Variants in CATSPERE observed in about 807,000 individuals in gnomAD.
CATSPERE encodes catsper channel auxiliary subunit epsilon, also known as cation channel sperm-associated auxiliary subunit epsilon.
In CATSPERE, 93 loss-of-function variants were observed where a neutral mutation model predicts 114.1. That is an observed-to-expected ratio of 0.81 (90% CI 0.69 to 0.97). The LOEUF (loss-of-function observed/expected upper bound fraction) is 0.97, where lower values mean the gene tolerates loss of function less well. Among genes scored for constraint, CATSPERE ranks in the 50% least tolerant of loss-of-function variants. The pLI, the probability that CATSPERE is intolerant of heterozygous loss-of-function variation, is 0.00. For synonymous variants in CATSPERE, 341 were observed against 384.1 expected, an observed-to-expected ratio of 0.89 and a Z score of 1.31; for missense variants, 1,058 against 1,131.6, an observed-to-expected ratio of 0.93 and a Z score of 0.93.
At chr1:244,548,672 T>G (rs1223790202) in intron 8 of CATSPERE, among the ~76,000 whole-genome samples, 3 of 152,206 alleles carry the variant, frequency 2.0e-5, no homozygotes, top group Non-Finnish European at 4.4e-5. Flanking sequence ...AATTCACTGG[T>G]CTTACCATGT....
chr1:244,579,565 A>G (rs971474303), intron 11 of CATSPERE, among the ~76,000 whole-genome samples: 2 of 152,204 alleles, frequency 1.3e-5, no homozygotes, highest in Admixed American at 6.5e-5. Flanking sequence ...AAAATCCCAT[A>G]TATAAGTGTA....
intron 10 of CATSPERE, among the ~76,000 whole-genome samples, chr1:244,572,059 T>C (rs1305405070): frequency 5.3e-5 from 8 of 152,212 alleles, no homozygotes; most frequent in Admixed American, 3.9e-4. Flanking sequence ...TCATCCTTGT[T>C]ATTACTGAAT....
chr1:244,474,263 G>A (rs1282687193), intron 2 of CATSPERE, among the ~76,000 whole-genome samples: 1 of 152,022 alleles, frequency 6.6e-6, no homozygotes, highest in East Asian at 1.9e-4. Flanking sequence ...TCGAACTTGT[G>A]ATCTCATGAT....
chr1:244,631,783 A>G (rs563811731), intron 20 of CATSPERE, among the ~76,000 whole-genome samples: 3 of 152,272 alleles, frequency 2.0e-5, no homozygotes, highest in Admixed American at 1.3e-4. Flanking sequence ...GTCAAAATCC[A>G]GAACACTGAC....
intron 11 of CATSPERE, among the ~76,000 whole-genome samples, chr1:244,574,898 T>G (rs1665004963): frequency 6.6e-6 from 1 of 152,258 alleles, no homozygotes; most frequent in Admixed American, 6.5e-5. Flanking sequence ...TTTTTATGAC[T>G]TTCACAGACA....
At chr1:244,498,727 G>A (rs1429345163) in intron 6 of CATSPERE, among the ~76,000 whole-genome samples, 4 of 151,906 alleles carry the variant, frequency 2.6e-5, no homozygotes, top group East Asian at 1.9e-4. Context: ...GTGAAACCCC[G>A]TCTCTACTAA....
chr1:244,511,984 C>T lies in CATSPERE; in HGVS notation c.430-6608C>T, dbSNP rs552853089. Among the ~76,000 whole-genome samples the T allele has an allele frequency of 4.6e-5, 7 of 152,230 alleles. No individual in the cohort carries two copies. The South Asian group carries it at 1.5e-3, about 32-fold the overall frequency. On this transcript the variant is annotated intron_variant, in intron 7 of 21. Transcript: ENST00000366534. ...TTTAGAATTCTCTTTTTGCCTTTAC[C>T]TTTTGGCAGTTTGAAATTCATGTAC...
At chr1:244,617,367 C>G (rs1671526118) in intron 19 of CATSPERE, among the ~76,000 whole-genome samples, 162 bp from the exon 20 acceptor site, 1 of 152,076 alleles carries the variant, frequency 6.6e-6, no homozygotes, top group Non-Finnish European at 1.5e-5. Context: ...CAAAGTTTAA[C>G]CCAGTATCGC....
At chr1:244,515,259 G>A in intron 7 of CATSPERE, 1 of 869,084 alleles carries the variant, frequency 1.2e-6, no homozygotes, top group Non-Finnish European at 1.4e-6. Flanking sequence ...CTTTGTAACT[G>A]TTGTTCCTTC....
intron 8 of CATSPERE, among the ~76,000 whole-genome samples, chr1:244,519,062 G>A (rs368670704): frequency 3.3e-5 from 5 of 152,188 alleles, no homozygotes; most frequent in Admixed American, 6.5e-5. Flanking sequence ...CTACCTGAAA[G>A]GCAAGATACA....
chr1:244,592,739 C>T (rs1667886506), intron 15 of CATSPERE, among the ~76,000 whole-genome samples: 1 of 152,160 alleles, frequency 6.6e-6, no homozygotes, highest in African/African-American at 2.4e-5. Flanking sequence ...GAGGACACCA[C>T]CTTTTAGTGT....
chr1:244,490,359 T>A, intron 5 of CATSPERE, 88 bp from the exon 6 acceptor site: 2 of 898,558 alleles, frequency 2.2e-6, no homozygotes, highest in South Asian at 1.6e-5. Context: ...TATGCAAAGG[T>A]TTAGAAACAT....
intron 19 of CATSPERE, among the ~76,000 whole-genome samples, chr1:244,613,503 A>G (rs184288859): frequency 3.7e-4 from 56 of 152,356 alleles, no homozygotes; most frequent in African/African-American, 1.3e-3. Context: ...ACTTATGATT[A>G]AAATGTAATT....
intron 19 of CATSPERE, among the ~76,000 whole-genome samples, chr1:244,614,146 A>G (rs889029158): frequency 3.9e-5 from 6 of 152,092 alleles, no homozygotes; most frequent in African/African-American, 1.4e-4. Flanking sequence ...AAATTACTCC[A>G]TTTCAGGTGT....
Position 244,573,437 on chromosome 1 carries a change from C to CAAAACAAAA in CATSPERE, c.1950+669_1950+677dup, listed in dbSNP as rs1457333612. Among the ~76,000 whole-genome samples, 1 of 151,818 alleles carries CAAAACAAAA rather than the reference C, an allele frequency of 6.6e-6. No homozygotes were observed. Among genetic ancestry groups the CAAAACAAAA allele is most frequent in the Non-Finnish European group, 1.5e-5 (1 of 67,914 alleles). On this transcript the variant is annotated intron_variant, in intron 11 of 21. Coordinates refer to ENST00000366534, the MANE Select transcript of CATSPERE (RefSeq NM_001130957.2). This position sits in a 1 kb window ranked among gnomAD's most constrained non-coding sequence, Gnocchi z 4.0. ...AAAAACAAAACAAAACAAAACAAAA[C>CAAAACAAAA]AAAACAAAAAAACCAATTCTATCCG...
intron 15 of CATSPERE, 79 bp from the exon 16 acceptor site, chr1:244,593,316 C>T: frequency 6.9e-7 from 1 of 1,453,160 alleles, no homozygotes; most frequent in East Asian, 2.3e-5. Flanking sequence ...GTGATACCTC[C>T]TTACCTAAAC....
intron 2 of CATSPERE, among the ~76,000 whole-genome samples, chr1:244,475,890 A>G (rs996165630): frequency 6.6e-6 from 1 of 152,164 alleles, no homozygotes; most frequent in South Asian, 2.1e-4. Flanking sequence ...TAAACATTTT[A>G]TACTTTATGA....
At chr1:244,542,429 A>G (rs1260167696) in intron 8 of CATSPERE, among the ~76,000 whole-genome samples, 1 of 152,166 alleles carries the variant, frequency 6.6e-6, no homozygotes, top group African/African-American at 2.4e-5. Flanking sequence ...CCATTACCCA[A>G]ATAGTGAACA....
chr1:244,489,610 G>A (rs1031489370), intron 5 of CATSPERE, among the ~76,000 whole-genome samples: 1 of 151,726 alleles, frequency 6.6e-6, no homozygotes, highest in African/African-American at 2.4e-5. Context: ...TGGAAACTAT[G>A]TGCAGGAGTG....
Sources: gnomAD v4.1 joint callset for allele counts (sites outside exome capture counted in the v4.1 genomes callset) on GRCh38, gnomAD v4.1.1 for gene constraint, Gnocchi (gnomAD v3.1) non-coding constraint, MANE v1.5 for transcripts, NCBI Gene and HGNC (gene_info 2026-07-23, HGNC 2026-07-21) for gene names.